The following ARAP3 variants were observed in gnomAD, a reference collection of about 807,000 sequenced individuals.
ARAP3 encodes the protein arf-GAP with Rho-GAP domain, ANK repeat and PH domain-containing protein 3.
In ARAP3, 82 loss-of-function variants were observed where a neutral mutation model predicts 169.2. The observed-to-expected ratio is 0.48, with a 90% CI of 0.41 to 0.58. The LOEUF (loss-of-function observed/expected upper bound fraction) is 0.58, where lower values mean the gene tolerates loss of function less well. Among genes scored for constraint, ARAP3 ranks in the 20% least tolerant of loss-of-function variants. ARAP3 has a pLI of 0.00. For synonymous variants in ARAP3, 791 were observed against 800.3 expected, an observed-to-expected ratio of 0.99 and a Z score of 0.20; for missense variants, 1,764 against 2,018.0, an observed-to-expected ratio of 0.87 and a Z score of 2.41.
chr5:141,660,922 G>A (rs1412337779), intron 21 of ARAP3, among the ~76,000 whole-genome samples: 1 of 152,086 alleles, frequency 6.6e-6, no homozygotes, highest in Non-Finnish European at 1.5e-5. Flanking sequence ...CCCTTTCCCT[G>A]ACATCGCATA....
intron 21 of ARAP3, among the ~76,000 whole-genome samples, chr5:141,660,542 C>G (rs1264974952): frequency 2.0e-5 from 3 of 151,730 alleles, no homozygotes; most frequent in Admixed American, 2.0e-4. Flanking sequence ...TGGCTTTACA[C>G]TTTATGTACA....
chr5:141,667,076 A>G (rs1322486135), intron 16 of ARAP3, among the ~76,000 whole-genome samples: 2 of 150,902 alleles, frequency 1.3e-5, no homozygotes, highest in Non-Finnish European at 3.0e-5. Flanking sequence ...CACCTGGCTA[A>G]TTTTTTTTTA....
At position 141,659,568 on chromosome 5, in the gene ARAP3, G is replaced by A. The variant is rs942921803; in HGVS notation, c.3268-92C>T. On this transcript the variant is annotated intron_variant, in intron 22 of 32. Coordinates refer to ENST00000239440, the MANE Select transcript of ARAP3 (RefSeq NM_022481.6). ...AAGGAGGACCTGTTTAAGAGGGCTG[G>A]AGGCCAGAAGAGCTAAGAACCAAGG... 33 of 1,427,866 alleles carry A rather than the reference G, an allele frequency of 2.3e-5. 2 individuals carry two copies. The highest frequency in any genetic ancestry group is 1.9e-4 in the Admixed American group (11 of 57,256). 88.4% of individuals were successfully genotyped at this position (1,427,866 alleles called of 1,614,324 possible). A position where few individuals can be genotyped will look rare whatever the true frequency, so the allele number is the denominator to read the frequency against.
At position 141,671,593 on chromosome 5, in the gene ARAP3, G is replaced by A. The variant is rs750711506; in HGVS notation, c.1831C>T (p.Pro611Ser). ...GLFRKPHPQY[P>S]DHSQLLQALC... The stretch of plus-strand genomic sequence containing the variant: ...ACCTGGAGAAGCTGGCTATGATCTG[G>A]GTACTGAGGGTGGGGCTTCCGGAAG... The change falls in exon 12 of 33, where the codon CCA becomes TCA. Residue 611 changes from proline (P) to serine (S), a missense_variant. Pro to Ser is a moderately conservative substitution (Grantham distance 74). Coordinates refer to ENST00000239440, the MANE Select transcript of ARAP3 (RefSeq NM_022481.6). The surrounding 1 kb of genome is among the most constrained non-coding windows in gnomAD (Gnocchi z 4.9). 6 of 1,613,952 alleles carry A rather than the reference G, an allele frequency of 3.7e-6. No homozygotes were observed. Among genetic ancestry groups the A allele is most frequent in the Non-Finnish European group, 4.2e-6 (5 of 1,179,980 alleles).
chr5:141,667,723 C>T (rs1179947802), intron 16 of ARAP3, among the ~76,000 whole-genome samples: 2 of 150,470 alleles, frequency 1.3e-5, no homozygotes, highest in African/African-American at 2.4e-5. Flanking sequence ...CCACCACGCC[C>T]GGCCAGTACT....
chr5:141,656,628 C>T lies in ARAP3; in HGVS notation c.3665G>A (p.Arg1222His), dbSNP rs754569933. The T allele has an allele frequency of 5.6e-6, 9 of 1,613,452 alleles. No homozygotes were observed. In the Admixed American group the frequency reaches 8.3e-5, roughly 15 times the overall value. ...CAACAGCCCCACCCGTGGGCTCTCACGTCGGATACCTGGGCATAGATGGGC... is the reference window on the plus strand; with the variant it reads ...CAACAGCCCCACCCGTGGGCTCTCATGTCGGATACCTGGGCATAGATGGGC... ...QAGCLFTGIR[R>H]ESPRVGLLRC... Residue 1222 changes from arginine (R) to histidine (H), a missense_variant, in exon 27 of 33, where the codon CGT becomes CAT. Arg to His is a conservative substitution (Grantham distance 29). Around this residue, in one of 3 missense-constraint regions of ARAP3, gnomAD observed 1,112 missense variants for 1,285.7 expected, o/e 0.86. Transcript: ENST00000239440.
At position 141,664,906 on chromosome 5, in the gene ARAP3, G is replaced by A. The variant is rs373754162; in HGVS notation, c.2800+16C>T. The A allele has an allele frequency of 3.5e-5, 55 of 1,565,044 alleles. 1 individual carries two copies. In the African/African-American group the frequency reaches 8.1e-4, roughly 23 times the overall value. The stretch of plus-strand genomic sequence containing the variant: ...CCCCACCCCCATTGGCTCAGTACCA[G>A]CCAGTGCCTACTCACCATGCTGGGT... On this transcript the variant is annotated intron_variant, in intron 19 of 32. Transcript: ENST00000239440.
At chr5:141,661,532 C>G (rs2099909974) in intron 21 of ARAP3, 152 bp downstream of exon 21, 3 of 803,636 alleles carry the variant, frequency 3.7e-6, no homozygotes, top group Non-Finnish European at 5.9e-6. Context: ...CCTGATCCCT[C>G]AAATCCATTC....
intron 4 of ARAP3, among the ~76,000 whole-genome samples, chr5:141,674,777 AAACGT>A (rs2099911924): frequency 6.6e-6 from 1 of 152,168 alleles, no homozygotes; most frequent in Non-Finnish European, 1.5e-5. Context: ...TCTTTGTCCA[AAACGT>A]TCTTGACCTC....
chr5:141,680,866 A>C, intron 1 of ARAP3: 1 of 234,830 alleles, frequency 4.3e-6, no homozygotes. Context: ...AGATGCTAGA[A>C]TGCTGTGGGT....
chr5:141,680,750 CAGTA>C, intron 1 of ARAP3: 3 of 592,738 alleles, frequency 5.1e-6, no homozygotes, highest in Non-Finnish European at 8.4e-6. Flanking sequence ...CCCAGGTTCA[CAGTA>C]AGTCAGTGCT....
chr5:141,654,533 G>T (rs1349679482), intron 32 of ARAP3, 98 bp from the exon 33 acceptor site: 1 of 1,473,070 alleles, frequency 6.8e-7, no homozygotes, highest in Non-Finnish European at 9.0e-7. Context: ...GCCAGATGCT[G>T]TAAAATACTT....
intron 14 of ARAP3, 104 bp downstream of exon 14, chr5:141,670,407 GC>G: frequency 8.1e-7 from 1 of 1,242,098 alleles, no homozygotes; most frequent in Non-Finnish European, 1.2e-6. Context: ...CCCAGGCATG[GC>G]CCCACTTTCC....
rs1427354100 is a variant in ARAP3 at position 141,656,498 on chromosome 5, C to A, written c.3789+6G>T. ...GCATCCCACACCTCTGGCCCCAGGG[C>A]CTCACTTTCTTCTCCTTGAGCAGCA... On this transcript the variant is annotated splice_donor_region_variant and intron_variant, in intron 27 of 32. Coordinates refer to ENST00000239440, the MANE Select transcript of ARAP3 (RefSeq NM_022481.6). 2 of 1,610,366 alleles carry A rather than the reference C, an allele frequency of 1.2e-6. No homozygotes were observed. Among genetic ancestry groups the A allele is most frequent in the Non-Finnish European group, 1.7e-6 (2 of 1,178,320 alleles).
chr5:141,669,373 G>A (rs2099911131), intron 16 of ARAP3, among the ~76,000 whole-genome samples: 1 of 152,176 alleles, frequency 6.6e-6, no homozygotes, highest in African/African-American at 2.4e-5. Flanking sequence ...GGAGGCATTG[G>A]CACAGTGAGG....
At chr5:141,656,914 G>GTCAT in intron 25 of ARAP3, 68 bp from the exon 26 acceptor site, 2 of 1,530,874 alleles carry the variant, frequency 1.3e-6, no homozygotes, top group South Asian at 2.5e-5. Context: ...GCTCTCACCA[G>GTCAT]TCATTCATTC....
At chr5:141,676,669 C>T (rs11744405) in intron 4 of ARAP3, among the ~76,000 whole-genome samples, 30,577 of 152,046 alleles carry the variant, frequency 0.2, 3,129 homozygotes, top group South Asian at 0.25. Flanking sequence ...TCACATTCTC[C>T]TGGCCTTCTA....
intron 20 of ARAP3, 49 bp from the exon 21 acceptor site, chr5:141,661,838 G>T (rs201006466): frequency 1.3e-6 from 2 of 1,592,786 alleles, no homozygotes; most frequent in Admixed American, 3.3e-5. Context: ...AAGAAAGAGT[G>T]GCAGCTGGTA....
At chr5:141,680,652 C>A in intron 1 of ARAP3, 149 bp from the exon 2 acceptor site, 1 of 1,234,652 alleles carries the variant, frequency 8.1e-7, no homozygotes, top group South Asian at 1.6e-5. Context: ...CAGAGCCATC[C>A]CAGAACAACA....
Sources: allele counts gnomAD v4.1 joint callset (sites outside exome capture counted in the v4.1 genomes callset), GRCh38; gene constraint gnomAD v4.1.1; regional missense constraint gnomAD v4.1.1; non-coding constraint Gnocchi (gnomAD v3.1); transcripts MANE v1.5; gene names NCBI Gene and HGNC (gene_info 2026-07-23, HGNC 2026-07-21).